PEX7: variants seen among roughly 807,000 people sequenced by gnomAD.
PEX7 encodes peroxisomal biogenesis factor 7, also known as PTS2 receptor.
In PEX7, 34 loss-of-function variants were observed where a neutral mutation model predicts 47.5. The observed-to-expected ratio is 0.72, with a 90% CI of 0.54 to 0.95. PEX7 has a LOEUF of 0.95. PEX7 is among the 40% of genes least tolerant of loss of function. PEX7 has a pLI of 0.00. For synonymous variants in PEX7, 141 were observed against 148.8 expected (o/e 0.95, Z 0.38); for missense variants, 394 against 400.3 (o/e 0.98, Z 0.13).
At position 136,887,102 on chromosome 6, in the gene PEX7, A is replaced by G. The variant is rs369658911; in HGVS notation, c.804-11040A>G. Reference sequence around the variant, plus strand: ...AGGTGACCACTTCTATTTCATTTCAACCTATTTAGAAATTTTCCCCTAAAT... The same window carrying G: ...AGGTGACCACTTCTATTTCATTTCAGCCTATTTAGAAATTTTCCCCTAAAT... On this transcript the variant is annotated intron_variant, in intron 8 of 9. Coordinates refer to ENST00000318471, the MANE Select transcript of PEX7 (RefSeq NM_000288.4). Among the ~76,000 whole-genome samples, 30 of 152,170 alleles carry G rather than the reference A, an allele frequency of 2.0e-4. 1 individual carries two copies. Among genetic ancestry groups the G allele is most frequent in the Admixed American group, 9.2e-4 (14 of 15,276 alleles).
intron 9 of PEX7, among the ~76,000 whole-genome samples, chr6:136,911,895 A>C (rs1169057372): frequency 6.6e-6 from 1 of 152,164 alleles, no homozygotes; most frequent in Non-Finnish European, 1.5e-5. Flanking sequence ...GGTACCATAT[A>C]CCTTCCCTAC....
intron 3 of PEX7, among the ~76,000 whole-genome samples, chr6:136,830,611 C>T (rs963714217): frequency 6.6e-6 from 1 of 152,072 alleles, no homozygotes; most frequent in East Asian, 1.9e-4. Flanking sequence ...TATTCTAATG[C>T]TGCTGAATAT....
rs200078357 is a variant in PEX7, at chr6:136,870,649, T to C, written c.747+646T>C. On this transcript the variant is annotated intron_variant, in intron 7 of 9. Transcript: ENST00000318471. Reference sequence around the variant, plus strand: ...TTTTTTTACGTTAAGGATAAAAAAGTACCTTATTGATTATTTTAATAAGGT... The same window carrying C: ...TTTTTTTACGTTAAGGATAAAAAAGCACCTTATTGATTATTTTAATAAGGT... The C allele has an allele frequency of 4.5e-5, 12 of 265,846 alleles. No individual in the cohort carries two copies. In the East Asian group the frequency reaches 1.7e-3, roughly 39 times the overall value. The allele number at this position is 265,846 out of a possible 1,614,324, so 16.5% of individuals were successfully genotyped here.
chr6:136,854,199 T>C (rs1302418048), intron 5 of PEX7, among the ~76,000 whole-genome samples: 1 of 152,126 alleles, frequency 6.6e-6, no homozygotes, highest in Non-Finnish European at 1.5e-5. Context: ...TCTTTTATGT[T>C]TTTATTATTA....
At chr6:136,825,389 G>A (rs1774169327) in intron 2 of PEX7, 118 bp downstream of exon 2, 1 of 838,624 alleles carries the variant, frequency 1.2e-6, no homozygotes, top group Admixed American at 2.1e-5. Context: ...CTTGGCGTTT[G>A]CATAGGATGA....
At chr6:136,905,042 CTT>C (rs1178961456) in intron 9 of PEX7, among the ~76,000 whole-genome samples, 1 of 152,134 alleles carries the variant, frequency 6.6e-6, no homozygotes, top group African/African-American at 2.4e-5. Context: ...CCTTTGAAGT[CTT>C]TTTTATTTTT....
At chr6:136,860,773 C>T (rs773297003) in intron 5 of PEX7, among the ~76,000 whole-genome samples, 31 of 151,850 alleles carry the variant, frequency 2.0e-4, no homozygotes, top group Non-Finnish European at 4.0e-4. Context: ...TTGAACAGTG[C>T]ATAATCTTAG....
chr6:136,871,176 TGTA>T (rs1775173144), intron 7 of PEX7, among the ~76,000 whole-genome samples: 1 of 152,196 alleles, frequency 6.6e-6, no homozygotes, highest in Non-Finnish European at 1.5e-5. Context: ...AATAAGGTAA[TGTA>T]GTGAAAGTAC....
intron 3 of PEX7, among the ~76,000 whole-genome samples, chr6:136,844,366 G>A (rs564904562): frequency 1.6e-5 from 2 of 122,580 alleles, no homozygotes; most frequent in South Asian, 2.9e-4. Context: ...GCAAGACCCT[G>A]TTTTGGAAAA....
At chr6:136,889,984 C>G (rs1283571684) in intron 8 of PEX7, among the ~76,000 whole-genome samples, 1 of 152,166 alleles carries the variant, frequency 6.6e-6, no homozygotes, top group East Asian at 1.9e-4. Flanking sequence ...CATAGTAAGC[C>G]TATTTACTTA....
intron 5 of PEX7, among the ~76,000 whole-genome samples, chr6:136,858,727 A>G (rs1031621360): frequency 3.3e-5 from 5 of 152,200 alleles, no homozygotes; most frequent in African/African-American, 1.2e-4. Context: ...TTTCAAAGGA[A>G]TATACTCAAC....
At chr6:136,869,744 T>G in intron 6 of PEX7, 146 bp from the exon 7 acceptor site, 1 of 759,260 alleles carries the variant, frequency 1.3e-6, no homozygotes, top group Non-Finnish European at 2.4e-6. Flanking sequence ...GATTCCTGTC[T>G]ATACTTGTTA....
intron 3 of PEX7, among the ~76,000 whole-genome samples, chr6:136,842,024 G>GTT: frequency 6.8e-6 from 1 of 148,010 alleles, no homozygotes; most frequent in Non-Finnish European, 1.5e-5. Flanking sequence ...TTTGAGACAG[G>GTT]TTCTCACTCT....
rs200234391 is a variant in PEX7 at position 136,825,274 on chromosome 6, A to G, written c.188+3A>G. ...GCTGGGCTAAGGCTTTTTAGAAGGT[A>G]AGGGGGCTGAAATTATTAAAGGTAT... On this transcript the variant is annotated splice_donor_region_variant and intron_variant, in intron 2 of 9. Coordinates refer to ENST00000318471, the MANE Select transcript of PEX7 (RefSeq NM_000288.4). 2.8e-4 allele frequency: 446 copies of G among 1,607,916 alleles called. No individual in the cohort carries two copies. The highest frequency in any genetic ancestry group is 4.2e-4 in the Admixed American group (25 of 59,998).
intron 3 of PEX7, among the ~76,000 whole-genome samples, chr6:136,845,137 C>A (rs1158477821): frequency 2.6e-5 from 4 of 152,172 alleles, no homozygotes; most frequent in Non-Finnish European, 4.4e-5. Flanking sequence ...CATTGGATAA[C>A]TAAAACTGTT....
At chr6:136,863,512 T>C (rs1246785793) in intron 5 of PEX7, among the ~76,000 whole-genome samples, 1 of 152,008 alleles carries the variant, frequency 6.6e-6, no homozygotes, top group Non-Finnish European at 1.5e-5. Flanking sequence ...AAATGCAAAC[T>C]AAAGGGCTGT....
At chr6:136,839,777 T>G (rs928081908) in intron 3 of PEX7, among the ~76,000 whole-genome samples, 5 of 152,222 alleles carry the variant, frequency 3.3e-5, no homozygotes, top group African/African-American at 1.2e-4. Context: ...AAACTTTTAT[T>G]AACTCTACTG....
intron 8 of PEX7, among the ~76,000 whole-genome samples, chr6:136,896,267 A>G (rs749533804): frequency 4.6e-5 from 7 of 152,252 alleles, no homozygotes; most frequent in Non-Finnish European, 1.5e-5. Flanking sequence ...TATTTAGCGT[A>G]TCCATTCTGC....
intron 3 of PEX7, among the ~76,000 whole-genome samples, chr6:136,837,260 G>C (rs771372951): frequency 2.3e-4 from 34 of 150,218 alleles, no homozygotes; most frequent in Admixed American, 6.0e-4. Context: ...TGCTCGGGAG[G>C]CTGAGGCGGG....
Sources: gnomAD v4.1 joint callset for allele counts (sites outside exome capture counted in the v4.1 genomes callset) on GRCh38, gnomAD v4.1.1 for gene constraint, MANE v1.5 for transcripts, NCBI Gene and HGNC (gene_info 2026-07-23, HGNC 2026-07-21) for gene names.